POLR3B: variants seen among roughly 807,000 people sequenced by gnomAD.
The protein encoded by POLR3B is RNA polymerase III subunit B, also known as DNA-directed RNA polymerase III subunit RPC2.
POLR3B carries 96 observed loss-of-function variants against 147.4 expected under a neutral mutation model. The ratio of observed to expected loss-of-function variants is 0.65; its 90% CI spans 0.55 to 0.77. The LOEUF (loss-of-function observed/expected upper bound fraction) is 0.77. Ranked by LOEUF, POLR3B falls within the 30% of genes least tolerant of loss-of-function variation. POLR3B has a pLI of 0.00. For missense variants in POLR3B, 1,036 were observed against 1,413.5 expected (o/e 0.73, Z 4.28); for synonymous variants, 461 against 485.9 (o/e 0.95, Z 0.67).
chr12:106,357,989 A>G, intron 1 of POLR3B, 38 bp downstream of exon 1: 1 of 1,606,916 alleles, frequency 6.2e-7, no homozygotes. Flanking sequence ...AGGGACAAGG[A>G]TGCGCCCTGA....
intron 23 of POLR3B, among the ~76,000 whole-genome samples, chr12:106,480,214 GT>G (rs2038247273): frequency 6.6e-6 from 1 of 151,956 alleles, no homozygotes; most frequent in South Asian, 2.1e-4. Context: ...TCTCCTATTT[GT>G]TTTAGTGTCT....
At chr12:106,442,719 C>T (rs901372604) in intron 18 of POLR3B, among the ~76,000 whole-genome samples, 1 of 150,546 alleles carries the variant, frequency 6.6e-6, no homozygotes, top group African/African-American at 2.5e-5. Context: ...TCTTGGACAT[C>T]ACTTCAGTCC....
chr12:106,492,733 C>T (rs922092955), intron 23 of POLR3B, among the ~76,000 whole-genome samples: 1 of 152,152 alleles, frequency 6.6e-6, no homozygotes, highest in Non-Finnish European at 1.5e-5. Flanking sequence ...GTCAGAAGTG[C>T]CTCTCCTGAG....
intron 11 of POLR3B, among the ~76,000 whole-genome samples, chr12:106,406,623 AG>A (rs1363081116): frequency 6.6e-6 from 1 of 152,236 alleles, no homozygotes; most frequent in African/African-American, 2.4e-5. Context: ...CAAACATGCT[AG>A]ATGATTTGCG....
chr12:106,437,813 G>A lies in POLR3B; in HGVS notation c.1955+34G>A, dbSNP rs758536461. The A allele has an allele frequency of 1.8e-5, 21 of 1,179,616 alleles. 2 individuals carry two copies. The South Asian group carries it at 1.8e-4, about 10-fold the overall frequency. The allele number at this position is 1,179,616 out of a possible 1,614,324, so 73.1% of individuals were successfully genotyped here. ...GATCCATAGCAACCATAATTAAAACGTGTTCTGACTATAGAAACTACCTTC... is the reference window on the plus strand; with the variant it reads ...GATCCATAGCAACCATAATTAAAACATGTTCTGACTATAGAAACTACCTTC... On this transcript the variant is annotated intron_variant, in intron 18 of 27. Coordinates refer to ENST00000228347, the MANE Select transcript of POLR3B (RefSeq NM_018082.6).
chr12:106,476,847 T>C (rs1427738370), intron 23 of POLR3B, among the ~76,000 whole-genome samples: 1 of 152,184 alleles, frequency 6.6e-6, no homozygotes, highest in Non-Finnish European at 1.5e-5. Flanking sequence ...TTTGATCGTC[T>C]GAAGACTTCT....
chr12:106,407,134 A>G (rs543484639), intron 11 of POLR3B, among the ~76,000 whole-genome samples: 3 of 152,352 alleles, frequency 2.0e-5, no homozygotes, highest in African/African-American at 4.8e-5. Flanking sequence ...TCTGAATGTT[A>G]AAGCTGGGTC....
intron 17 of POLR3B, 89 bp from the exon 18 acceptor site, chr12:106,437,592 C>A: frequency 1.3e-6 from 1 of 751,494 alleles, no homozygotes; most frequent in Non-Finnish European, 2.4e-6. Context: ...TGCTTTGGGC[C>A]TAAACGAAAG....
In POLR3B at chr12:106,357,967, G is replaced by A. The variant is rs1369821886; in HGVS notation, c.72+16G>A. 1.2e-6 allele frequency: 2 copies of A among 1,611,250 alleles called. No individual in the cohort carries two copies. The highest frequency in any genetic ancestry group is 4.5e-5 in the East Asian group (2 of 44,844). ...GACTGTAGAGGTCAGTGCCAGGCAC[G>A]CAGGGAGCGTCAGGGACAAGGATGC... is the stretch of plus-strand genomic sequence containing the variant. On this transcript the variant is annotated intron_variant, in intron 1 of 27. Transcript: ENST00000228347.
chr12:106,412,589 C>G (rs1261239130), intron 12 of POLR3B, among the ~76,000 whole-genome samples: 1 of 152,184 alleles, frequency 6.6e-6, no homozygotes, highest in African/African-American at 2.4e-5. Context: ...TCCTGATACT[C>G]TTTCAATGAA....
intron 10 of POLR3B, among the ~76,000 whole-genome samples, chr12:106,399,698 C>A (rs556566555): frequency 1.4e-4 from 22 of 152,294 alleles, no homozygotes; most frequent in African/African-American, 4.3e-4. Flanking sequence ...AAAGAATTTT[C>A]AACCCAGAAT....
chr12:106,433,318 A>C (rs1221755451), intron 15 of POLR3B, among the ~76,000 whole-genome samples: 2 of 152,242 alleles, frequency 1.3e-5, no homozygotes, highest in African/African-American at 2.4e-5. Flanking sequence ...GATTACAACA[A>C]GAAGCAGTTT....
chr12:106,452,071 C>T (rs989391326), intron 19 of POLR3B, among the ~76,000 whole-genome samples: 3 of 152,126 alleles, frequency 2.0e-5, no homozygotes, highest in Non-Finnish European at 4.4e-5. Context: ...AAAGTTTGAG[C>T]GTGTGCTGCA....
intron 15 of POLR3B, 57 bp downstream of exon 15, chr12:106,432,537 A>G (rs1379081393): frequency 2.3e-6 from 3 of 1,320,962 alleles, no homozygotes; most frequent in Non-Finnish European, 3.3e-6. Context: ...GGGGGAGGGA[A>G]TCCATTATTA....
chr12:106,477,219 G>T (rs2038185636), intron 23 of POLR3B, among the ~76,000 whole-genome samples: 1 of 111,404 alleles, frequency 9.0e-6, no homozygotes, highest in African/African-American at 4.6e-5. Flanking sequence ...GAGGCAGTCT[G>T]CCCATTCTCA....
intron 25 of POLR3B, among the ~76,000 whole-genome samples, chr12:106,498,681 G>T (rs1209413567): frequency 6.6e-6 from 1 of 152,098 alleles, no homozygotes; most frequent in East Asian, 1.9e-4. Flanking sequence ...TCCCGGGGGG[G>T]TTCAAGCAAT....
chr12:106,426,590 C>T (rs886878320), intron 12 of POLR3B, among the ~76,000 whole-genome samples: 5 of 152,098 alleles, frequency 3.3e-5, no homozygotes, highest in African/African-American at 1.2e-4. Flanking sequence ...GCTGGGATTA[C>T]AGGCATGAGC....
At chr12:106,478,079 G>A (rs1358515325) in intron 23 of POLR3B, among the ~76,000 whole-genome samples, 2 of 151,482 alleles carry the variant, frequency 1.3e-5, no homozygotes, top group African/African-American at 4.9e-5. Context: ...CTAATTTTTA[G>A]TATTCTTAGT....
In POLR3B at chr12:106,402,875, A is replaced by G. The variant is rs552414103; in HGVS notation, c.847-2982A>G. 7.3e-3 allele frequency among the ~76,000 whole-genome samples: 1,114 copies of G among 152,294 alleles called. 15 individuals carry two copies. Among genetic ancestry groups the G allele is most frequent in the African/African-American group, 0.024 (1,016 of 41,554 alleles). Reference sequence around the variant, plus strand: ...AAAACCCTAGAAGAAAACCTAGGCAATACCATTCAGGACATAGGCATGGGC... The same window carrying G: ...AAAACCCTAGAAGAAAACCTAGGCAGTACCATTCAGGACATAGGCATGGGC... On this transcript the variant is annotated intron_variant, in intron 10 of 27. Transcript: ENST00000228347.
Sources: gnomAD v4.1 joint callset for allele counts (sites outside exome capture counted in the v4.1 genomes callset) on GRCh38, gnomAD v4.1.1 for gene constraint, MANE v1.5 for transcripts, NCBI Gene and HGNC (gene_info 2026-07-23, HGNC 2026-07-21) for gene names.